TMEM200A: variants seen among roughly 807,000 people sequenced by gnomAD.
TMEM200A encodes the protein two transmembrane C.
In TMEM200A, 12 loss-of-function variants were observed where a neutral mutation model predicts 24.3. The ratio of observed to expected loss-of-function variants is 0.49; its 90% CI spans 0.32 to 0.80. TMEM200A has a LOEUF of 0.80. Ranked by LOEUF, TMEM200A falls within the 30% of genes least tolerant of loss-of-function variation. The pLI is 0.04. For synonymous variants in TMEM200A, 224 were observed against 224.4 expected (o/e 1.00, Z 0.02); for missense variants, 545 against 614.4 (o/e 0.89, Z 1.19).
chr6:130,438,103 T>G (rs1002058558), intron 2 of TMEM200A: 1 of 152,208 alleles, frequency 6.6e-6, no homozygotes, highest in Non-Finnish European at 1.5e-5. Context: ...ACATTTGAAA[T>G]GGTTTTTGCT....
upstream of TMEM200A, chr6:130,365,806 C>G (rs562042087): frequency 3.6e-3 from 3,529 of 985,448 alleles, 7 homozygotes; most frequent in Non-Finnish European, 4.1e-3. Context: ...GCGGATCGGC[C>G]GGCCTGGGCT....
chr6:130,412,098 C>CTTT (rs11154577), intron 2 of TMEM200A, among the ~76,000 whole-genome samples: 5 of 131,678 alleles, frequency 3.8e-5, no homozygotes, highest in African/African-American at 1.1e-4. Context: ...GTTTCCTTGG[C>CTTT]TTTTTTTTTT....
At chr6:130,432,015 A>T (rs772892352) in intron 2 of TMEM200A, among the ~76,000 whole-genome samples, 1 of 152,210 alleles carries the variant, frequency 6.6e-6, no homozygotes, top group Non-Finnish European at 1.5e-5. Flanking sequence ...ATTGAGAAAC[A>T]ATTCTCCCCA....
intron 2 of TMEM200A, among the ~76,000 whole-genome samples, chr6:130,403,403 C>T (rs927500096): frequency 2.0e-5 from 3 of 151,966 alleles, no homozygotes; most frequent in African/African-American, 4.8e-5. Flanking sequence ...TTTCGATAAA[C>T]GGTATCCAGA....
intron 2 of TMEM200A, among the ~76,000 whole-genome samples, chr6:130,425,145 T>G (rs2115191129): frequency 6.6e-6 from 1 of 152,280 alleles, no homozygotes; most frequent in African/African-American, 2.4e-5. Context: ...GATGTTGGAT[T>G]CAGTGACAGA....
At chr6:130,416,678 A>G (rs890049478) in intron 2 of TMEM200A, among the ~76,000 whole-genome samples, 56 of 152,122 alleles carry the variant, frequency 3.7e-4, no homozygotes, top group African/African-American at 1.3e-3. Flanking sequence ...GGCTTCTTAA[A>G]TGGCCTTCCT....
intron 1 of TMEM200A, among the ~76,000 whole-genome samples, chr6:130,378,922 T>C (rs1448636576): frequency 2.0e-5 from 3 of 152,146 alleles, no homozygotes; most frequent in Non-Finnish European, 4.4e-5. Flanking sequence ...GCTGGCAATA[T>C]CAGGGTGCTG....
chr6:130,405,402 A>AT lies in TMEM200A; in HGVS notation c.-17+20175dup, dbSNP rs528994323. On this transcript the variant is annotated intron_variant, in intron 2 of 2. Transcript: ENST00000296978. The stretch of plus-strand genomic sequence containing the variant: ...AGTTAGCCGTATTCCTGGGTATTTT[A>AT]TTTTTTTTTGTGGCAACTATGAATG... Among the ~76,000 whole-genome samples the AT allele has an allele frequency of 1.9e-3, 281 of 150,694 alleles. 2 individuals are homozygous for AT. Among genetic ancestry groups the AT allele is most frequent in the African/African-American group, 5.5e-3 (227 of 41,104 alleles).
chr6:130,385,274 G>T (rs1002212923), intron 2 of TMEM200A, 38 bp downstream of exon 2: 2 of 152,194 alleles, frequency 1.3e-5, no homozygotes, highest in Non-Finnish European at 2.9e-5. Context: ...GGACCTGGGA[G>T]ACTGATCACC....
Position 130,369,728 on chromosome 6 carries a change from T to C in TMEM200A, c.-81+3204T>C, listed in dbSNP as rs74636771. On this transcript the variant is annotated intron_variant, in intron 1 of 2. Coordinates refer to ENST00000296978, the MANE Select transcript of TMEM200A (RefSeq NM_001258277.2). ...GCCACTGTATCATTAATTGATAGGA[T>C]GTGTTCTGCAAGTTGTGCTTTGGAA... Among the ~76,000 whole-genome samples the C allele has an allele frequency of 2.3e-4, 35 of 152,334 alleles. No individual in the cohort carries two copies. The East Asian group carries it at 6.2e-3, about 27-fold the overall frequency.
At chr6:130,409,629 G>C (rs555137748) in intron 2 of TMEM200A, among the ~76,000 whole-genome samples, 1 of 152,236 alleles carries the variant, frequency 6.6e-6, no homozygotes, top group Admixed American at 6.5e-5. Context: ...TTTCCTGACT[G>C]TCATTCTTAT....
At chr6:130,408,431 T>A (rs1779255518) in intron 2 of TMEM200A, among the ~76,000 whole-genome samples, 1 of 152,200 alleles carries the variant, frequency 6.6e-6, no homozygotes, top group African/African-American at 2.4e-5. Flanking sequence ...CCTTATCTAC[T>A]TTCCAAAATC....
chr6:130,407,193 C>T lies in TMEM200A; in HGVS notation c.-17+21957C>T, dbSNP rs1779226228. ...GGTGAGGGGAGGCAGAGAAGCTTGA[C>T]TCTGCATCTGAAAATGCTTAAATGT... On this transcript the variant is annotated intron_variant, in intron 2 of 2. Transcript: ENST00000296978. Among the ~76,000 whole-genome samples, 3 of 152,170 alleles carry T rather than the reference C, an allele frequency of 2.0e-5. 1 individual carries two copies. In the South Asian group the frequency reaches 6.2e-4, roughly 32 times the overall value.
chr6:130,424,672 C>T (rs923635513), intron 2 of TMEM200A, among the ~76,000 whole-genome samples: 3 of 152,044 alleles, frequency 2.0e-5, no homozygotes, highest in Non-Finnish European at 4.4e-5. Context: ...AGTAGATAGT[C>T]CCCACATTAT....
chr6:130,370,408 A>G (rs1333470901), intron 1 of TMEM200A, among the ~76,000 whole-genome samples: 1 of 152,126 alleles, frequency 6.6e-6, no homozygotes, highest in Non-Finnish European at 1.5e-5. Flanking sequence ...TGCTGGGATG[A>G]GGAGGAGGAG....
chr6:130,435,197 A>T lies in TMEM200A; in HGVS notation c.-16-5210A>T, dbSNP rs61638125. 4.2e-3 allele frequency among the ~76,000 whole-genome samples: 636 copies of T among 151,878 alleles called. 7 individuals carry two copies. Among genetic ancestry groups the T allele is most frequent in the African/African-American group, 0.014 (592 of 41,368 alleles). On this transcript the variant is annotated intron_variant, in intron 2 of 2. Coordinates refer to ENST00000296978, the MANE Select transcript of TMEM200A (RefSeq NM_001258277.2). ...ACAAGGTCTTAATGTGTTGCCCAGG[A>T]TGGTCTCGAATTCCTGGGCTTAAGC...
chr6:130,378,414 A>T (rs568828064), intron 1 of TMEM200A, among the ~76,000 whole-genome samples: 1 of 152,160 alleles, frequency 6.6e-6, no homozygotes, highest in South Asian at 2.1e-4. Context: ...TCATGTGGTC[A>T]TGTGAAAGTG....
At chr6:130,381,037 A>G (rs1191569141) in intron 1 of TMEM200A, among the ~76,000 whole-genome samples, 1 of 152,224 alleles carries the variant, frequency 6.6e-6, no homozygotes, top group Non-Finnish European at 1.5e-5. Context: ...TGAAGTTATC[A>G]AAGCACCTAA....
chr6:130,409,951 T>C (rs1320423932), intron 2 of TMEM200A, among the ~76,000 whole-genome samples: 1 of 152,172 alleles, frequency 6.6e-6, no homozygotes, highest in African/African-American at 2.4e-5. Flanking sequence ...AATTTTTAGT[T>C]TTTAGAAGAT....
Sources: gnomAD v4.1 joint callset for allele counts (sites outside exome capture counted in the v4.1 genomes callset) on GRCh38, gnomAD v4.1.1 for gene constraint, MANE v1.5 for transcripts, NCBI Gene and HGNC (gene_info 2026-07-23, HGNC 2026-07-21) for gene names.